The following NAV2 variants were observed in gnomAD, a reference collection of about 807,000 sequenced individuals.
The protein encoded by NAV2 is neuron navigator 2, also known as helicase, APC down-regulated 1.
A neutral mutation model predicts 223.2 loss-of-function variants in NAV2; 54 were observed. The observed-to-expected ratio is 0.24, with a 90% confidence interval of 0.19 to 0.30. The LOEUF (loss-of-function observed/expected upper bound fraction) is 0.30. Among genes scored for constraint, NAV2 ranks in the 10% least tolerant of loss-of-function variants. The pLI, the probability that NAV2 is intolerant of heterozygous loss-of-function variation, is 1.00. For missense variants in NAV2, 2,806 were observed against 3,147.5 expected, an observed-to-expected ratio of 0.89 and a Z score of 2.60; for synonymous variants, 1,279 against 1,239.3, an observed-to-expected ratio of 1.03 and a Z score of -0.67.
chr11:20,083,299 A>T lies in NAV2; in HGVS notation c.5498+120A>T, dbSNP rs554364144. The T allele has an allele frequency of 8.9e-5, 70 of 786,258 alleles. No individual in the cohort carries two copies. The African/African-American group carries it at 1.2e-3, about 14-fold the overall frequency. The allele number at this position is 786,258 out of a possible 1,614,324, so 48.7% of individuals were successfully genotyped here. On this transcript the variant is annotated intron_variant, in intron 26 of 37. Transcript: ENST00000349880. ...TTGGGATCCTTTATGCTTTGCTTTA[A>T]TAGGACTGTGCATGTTCTTTCAATG...
intron 1 of NAV2, among the ~76,000 whole-genome samples, chr11:19,412,305 G>T (rs1214383357): frequency 6.6e-6 from 1 of 152,274 alleles, no homozygotes; most frequent in African/African-American, 2.4e-5. Context: ...ATAAAGCCCC[G>T]GGAAGTTCGA....
intron 7 of NAV2, 130 bp downstream of exon 7, chr11:19,934,407 C>T (rs111539182): frequency 3.6e-5 from 39 of 1,074,016 alleles, no homozygotes; most frequent in East Asian, 2.4e-4. Flanking sequence ...TAAGAAACCA[C>T]GTGATGAACT....
intron 1 of NAV2, among the ~76,000 whole-genome samples, chr11:19,683,245 G>A (rs920896100): frequency 1.3e-5 from 2 of 152,200 alleles, no homozygotes; most frequent in Admixed American, 6.5e-5. Flanking sequence ...TGAATGGGGA[G>A]GGCCAAGGAG....
chr11:19,599,523 G>T (rs1425990161), intron 1 of NAV2, among the ~76,000 whole-genome samples: 1 of 152,222 alleles, frequency 6.6e-6, no homozygotes, highest in Non-Finnish European at 1.5e-5. Context: ...TATTAAATAA[G>T]TAAGCAAACA....
chr11:19,834,099 G>A (rs964924962), intron 2 of NAV2, among the ~76,000 whole-genome samples: 2 of 152,210 alleles, frequency 1.3e-5, no homozygotes, highest in Non-Finnish European at 1.5e-5. Flanking sequence ...GATGATACAA[G>A]GGCATGAATA....
intron 1 of NAV2, among the ~76,000 whole-genome samples, chr11:19,647,516 A>T (rs967452147): frequency 4.0e-5 from 6 of 151,774 alleles, no homozygotes; most frequent in African/African-American, 1.2e-4. Flanking sequence ...CAGATGCATG[A>T]CCCCCTTCTA....
intron 6 of NAV2, among the ~76,000 whole-genome samples, chr11:19,917,677 A>T (rs140019126): frequency 2.2e-3 from 334 of 152,224 alleles, no homozygotes; most frequent in African/African-American, 7.7e-3. Flanking sequence ...CAGTGGCACG[A>T]TCTCAGCTCA....
At chr11:19,893,893 T>C (rs769599956) in intron 6 of NAV2, among the ~76,000 whole-genome samples, 4 of 152,174 alleles carry the variant, frequency 2.6e-5, no homozygotes, top group African/African-American at 4.8e-5. Flanking sequence ...TGTGCTTAGG[T>C]TACAAAAATA....
At chr11:19,883,183 C>A (rs968395336) in intron 5 of NAV2, among the ~76,000 whole-genome samples, 17 of 152,188 alleles carry the variant, frequency 1.1e-4, no homozygotes, top group African/African-American at 3.6e-4. Context: ...AGGTTCAGCA[C>A]CCCTGGGGGG....
At chr11:19,393,698 G>A (rs1429393699) in intron 1 of NAV2, among the ~76,000 whole-genome samples, 1 of 152,064 alleles carries the variant, frequency 6.6e-6, no homozygotes, top group Non-Finnish European at 1.5e-5. Context: ...AAAAATCTAA[G>A]GAAAAAGACA....
chr11:19,911,360 C>A (rs1473928456), intron 6 of NAV2, among the ~76,000 whole-genome samples: 1 of 152,144 alleles, frequency 6.6e-6, no homozygotes, highest in African/African-American at 2.4e-5. Context: ...AAAGCGTATT[C>A]TAGACAGAAC....
At chr11:19,522,646 T>C (rs2134341361) in intron 1 of NAV2, among the ~76,000 whole-genome samples, 1 of 152,318 alleles carries the variant, frequency 6.6e-6, no homozygotes, top group Non-Finnish European at 1.5e-5. Flanking sequence ...ACTGGCACCT[T>C]GTGGCCAGCA....
At chr11:19,903,498 A>G (rs1057347197) in intron 6 of NAV2, among the ~76,000 whole-genome samples, 3 of 152,202 alleles carry the variant, frequency 2.0e-5, no homozygotes, top group Admixed American at 2.0e-4. Flanking sequence ...CTTCCTTCAT[A>G]AGAGCAAAGG....
At chr11:19,424,977 T>G (rs1266644485) in intron 1 of NAV2, among the ~76,000 whole-genome samples, 3 of 152,252 alleles carry the variant, frequency 2.0e-5, no homozygotes, top group African/African-American at 7.2e-5. Flanking sequence ...GGAATTCATT[T>G]ATTCTTCCAT....
At chr11:19,884,833 C>T (rs1425416966) in intron 5 of NAV2, among the ~76,000 whole-genome samples, 1 of 151,842 alleles carries the variant, frequency 6.6e-6, no homozygotes, top group Non-Finnish European at 1.5e-5. Context: ...TTTGGTTTTC[C>T]CTTGAGTTAT....
At chr11:19,820,702 A>G (rs2059324490) in intron 1 of NAV2, among the ~76,000 whole-genome samples, 1 of 152,210 alleles carries the variant, frequency 6.6e-6, no homozygotes, top group South Asian at 2.1e-4. Flanking sequence ...CCTGTTTTCC[A>G]GTATGTAAAA....
intron 10 of NAV2, among the ~76,000 whole-genome samples, chr11:19,983,145 G>A (rs1036877309): frequency 4.6e-5 from 7 of 152,142 alleles, no homozygotes; most frequent in African/African-American, 1.7e-4. Flanking sequence ...CTCCTCTGAA[G>A]ATGAGGGAAA....
chr11:20,056,088 C>A, intron 19 of NAV2, 131 bp downstream of exon 19: 1 of 789,280 alleles, frequency 1.3e-6, no homozygotes, highest in Non-Finnish European at 2.0e-6. Context: ...CCCACCTCTC[C>A]CACCTACTCT....
intron 1 of NAV2, among the ~76,000 whole-genome samples, chr11:19,558,813 C>T (rs948555824): frequency 6.6e-6 from 1 of 152,164 alleles, no homozygotes; most frequent in African/African-American, 2.4e-5. Context: ...TGTTGGCCAT[C>T]CCTGGATTCC....
Sources: allele counts gnomAD v4.1 joint callset (sites outside exome capture counted in the v4.1 genomes callset), GRCh38; gene constraint gnomAD v4.1.1; transcripts MANE v1.5; gene names NCBI Gene and HGNC (gene_info 2026-07-23, HGNC 2026-07-21).